TTC6: variants seen among roughly 807,000 people sequenced by gnomAD.
TTC6 encodes tetratricopeptide repeat domain 6.
TTC6 carries 172 observed loss-of-function variants against 210.4 expected under a neutral mutation model. The observed-to-expected ratio is 0.82, with a 90% CI of 0.72 to 0.93. The LOEUF is 0.93. Among genes scored for constraint, TTC6 ranks in the 40% least tolerant of loss-of-function variants. TTC6 has a pLI of 0.00. For synonymous variants in TTC6, 804 were observed against 819.6 expected, an observed-to-expected ratio of 0.98 and a Z score of 0.32; for missense variants, 2,414 against 2,318.1, an observed-to-expected ratio of 1.04 and a Z score of -0.85.
intron 1 of TTC6, among the ~76,000 whole-genome samples, chr14:37,668,965 A>G (rs1326334842): frequency 6.6e-6 from 1 of 152,096 alleles, no homozygotes; most frequent in Admixed American, 6.6e-5. Flanking sequence ...GATTCTGTTA[A>G]TCCAGACAGC....
chr14:37,783,057 G>A (rs1228237834), intron 14 of TTC6, among the ~76,000 whole-genome samples: 2 of 152,048 alleles, frequency 1.3e-5, no homozygotes, highest in African/African-American at 2.4e-5. Flanking sequence ...CTTTTGCATC[G>A]ATGTTCATCA....
chr14:37,826,230 T>A (rs1208255921), exon 28 of TTC6: 17 of 1,608,418 alleles, frequency 1.1e-5, no homozygotes, highest in Non-Finnish European at 1.4e-5. Context: ...GGAACCACTT[T>A]ACCATTGCCA....
chr14:37,726,899 C>G (rs528063415), intron 7 of TTC6, among the ~76,000 whole-genome samples: 1 of 152,112 alleles, frequency 6.6e-6, no homozygotes, highest in South Asian at 2.1e-4. Context: ...ATATTCCTTT[C>G]TAATATTGCA....
At chr14:37,800,799 T>A (rs1353059929) in intron 20 of TTC6, among the ~76,000 whole-genome samples, 2 of 152,156 alleles carry the variant, frequency 1.3e-5, no homozygotes, top group African/African-American at 2.4e-5. Context: ...TTTAGGAGAA[T>A]TATTTATTTA....
intron 1 of TTC6, among the ~76,000 whole-genome samples, chr14:37,638,756 C>T (rs2095685847): frequency 6.6e-6 from 1 of 152,070 alleles, no homozygotes; most frequent in South Asian, 2.1e-4. Context: ...TTGGCAAAAG[C>T]TGGTAAAGAG....
intron 5 of TTC6, among the ~76,000 whole-genome samples, chr14:37,709,391 C>T (rs1170674501): frequency 6.6e-6 from 1 of 152,022 alleles, no homozygotes; most frequent in Admixed American, 6.6e-5. Flanking sequence ...TTTTAAATTT[C>T]TGTTATATCC....
intron 25 of TTC6, 100 bp downstream of exon 27, chr14:37,812,533 G>C: frequency 8.6e-7 from 1 of 1,157,116 alleles, no homozygotes; most frequent in Non-Finnish European, 1.2e-6. Flanking sequence ...ATTAATGAGT[G>C]GTAGCTCAAC....
intron 14 of TTC6, among the ~76,000 whole-genome samples, chr14:37,771,303 A>G (rs1026450316): frequency 3.0e-4 from 45 of 151,706 alleles, no homozygotes; most frequent in Non-Finnish European, 4.6e-4. Flanking sequence ...CTTCTCAAGG[A>G]GTATCTTTGT....
intron 14 of TTC6, among the ~76,000 whole-genome samples, chr14:37,761,674 C>G (rs542656410): frequency 1.9e-4 from 29 of 152,104 alleles, no homozygotes; most frequent in African/African-American, 7.0e-4. Flanking sequence ...TTATAGTTGC[C>G]TCAAATAAGT....
chr14:37,723,022 C>T (rs542234439), intron 6 of TTC6, among the ~76,000 whole-genome samples: 13 of 152,168 alleles, frequency 8.5e-5, no homozygotes, highest in South Asian at 2.1e-4. Context: ...TGAATATTTA[C>T]GTTATACTTT....
At chr14:37,649,333 G>A (rs2095707092) in intron 1 of TTC6, among the ~76,000 whole-genome samples, 2 of 152,058 alleles carry the variant, frequency 1.3e-5, no homozygotes, top group South Asian at 2.1e-4. Flanking sequence ...GGTCTTTTTT[G>A]TTCTTCCTTC....
chr14:37,751,195 C>A, exon 13 of TTC6: 2 of 1,528,658 alleles, frequency 1.3e-6, no homozygotes, highest in Non-Finnish European at 1.8e-6. Context: ...AAATAACAAA[C>A]AAAGTACTGG....
chr14:37,812,116 T>C (rs1033116431), intron 24 of TTC6, among the ~76,000 whole-genome samples, 198 bp from the exon 27 acceptor site: 1 of 152,234 alleles, frequency 6.6e-6, no homozygotes, highest in Non-Finnish European at 1.5e-5. Context: ...CACTGCTTAT[T>C]GGAAAGTATC....
At chr14:37,644,562 G>A (rs913678840) in intron 1 of TTC6, among the ~76,000 whole-genome samples, 2 of 152,220 alleles carry the variant, frequency 1.3e-5, no homozygotes, top group African/African-American at 2.4e-5. Context: ...GCAGCCATAT[G>A]CCAAGGTTCA....
chr14:37,613,696 T>G (rs1289578801), intron 2 of TTC6, among the ~76,000 whole-genome samples: 1 of 152,080 alleles, frequency 6.6e-6, no homozygotes, highest in Non-Finnish European at 1.5e-5. Context: ...TTAATTTTGG[T>G]AAGTTGTAGT....
At chr14:37,839,719 G>T (rs926348454) in intron 29 of TTC6, among the ~76,000 whole-genome samples, 7 of 152,062 alleles carry the variant, frequency 4.6e-5, no homozygotes, top group Non-Finnish European at 1.0e-4. Flanking sequence ...TGAAGTCTTT[G>T]CCCATGCCTA....
intron 1 of TTC6, among the ~76,000 whole-genome samples, chr14:37,674,612 G>A (rs578240362): frequency 6.6e-6 from 1 of 152,248 alleles, no homozygotes; most frequent in South Asian, 2.1e-4. Flanking sequence ...AAGATTTGAA[G>A]CCAAAAGCAG....
intron 11 of TTC6, 110 bp from the exon 14 acceptor site, chr14:37,749,604 G>A (rs1368271180): frequency 2.9e-6 from 3 of 1,035,414 alleles, no homozygotes; most frequent in South Asian, 6.4e-5. Context: ...TTTATTTTAT[G>A]TTACGTACAT....
chr14:37,628,333 T>G (rs997005051), intron 1 of TTC6, among the ~76,000 whole-genome samples: 2 of 152,168 alleles, frequency 1.3e-5, no homozygotes, highest in Admixed American at 6.5e-5. Flanking sequence ...CTCATTGTGG[T>G]TTTGATTTGT....
Sources: allele counts gnomAD v4.1 joint callset (sites outside exome capture counted in the v4.1 genomes callset), GRCh38; gene constraint gnomAD v4.1.1; transcripts MANE v1.5; gene names NCBI Gene and HGNC (gene_info 2026-07-23, HGNC 2026-07-21).